ZFAND2A: variants seen among roughly 807,000 people sequenced by gnomAD.
ZFAND2A encodes zinc finger AN1-type containing 2A.
ZFAND2A carries 20 observed loss-of-function variants against 11.6 expected under a neutral mutation model. That is an observed-to-expected ratio of 1.72 (90% confidence interval 1.21 to 2.50). The LOEUF (loss-of-function observed/expected upper bound fraction) is 2.50, where lower values mean the gene tolerates loss of function less well. ZFAND2A is among the 30% of genes most tolerant of loss of function. The pLI, the probability that ZFAND2A is intolerant of heterozygous loss-of-function variation, is 0.00. For synonymous variants in ZFAND2A, 93 were observed against 60.6 expected (o/e 1.54, Z -2.48); for missense variants, 234 against 182.9 (o/e 1.28, Z -1.61).
downstream of ZFAND2A, chr7:1,152,101 C>T (rs979037380): frequency 1.9e-6 from 2 of 1,080,442 alleles, no homozygotes; most frequent in East Asian, 5.9e-5. Context: ...ACTTGGGGTC[C>T]CAGTCCTGTG....
chr7:1,157,508 T>C (rs1319526085), intron 3 of ZFAND2A, 148 bp downstream of exon 3: 4 of 734,024 alleles, frequency 5.4e-6, no homozygotes, highest in Non-Finnish European at 8.9e-6. Flanking sequence ...AGCAGGCACC[T>C]GAAACGAGGC....
chr7:1,150,009 C>T (rs550837602), downstream of ZFAND2A, among the ~76,000 whole-genome samples: 16 of 152,104 alleles, frequency 1.1e-4, no homozygotes, highest in East Asian at 1.9e-4. Flanking sequence ...TGCACCACCA[C>T]GCCCGGCTAA....
chr7:1,150,333 A>AT (rs952860878), downstream of ZFAND2A, among the ~76,000 whole-genome samples: 6 of 151,680 alleles, frequency 4.0e-5, no homozygotes, highest in African/African-American at 1.2e-4. Flanking sequence ...GAAAAAAAAA[A>AT]GGCAGTGGCT....
intron 3 of ZFAND2A, among the ~76,000 whole-genome samples, chr7:1,156,107 T>C (rs1793520882): frequency 6.7e-6 from 1 of 149,746 alleles, no homozygotes; most frequent in Non-Finnish European, 1.5e-5. Context: ...TCCAAAGGGG[T>C]GGACCGCCCA....
At chr7:1,157,379 G>A (rs1423575565) in intron 3 of ZFAND2A, 4 of 266,706 alleles carry the variant, frequency 1.5e-5, no homozygotes, top group African/African-American at 4.5e-5. Flanking sequence ...AAGTAAGCTT[G>A]GAACATAAGG....
chr7:1,150,902 T>TTTTTTTTTTTTTTTTTTTTC (rs1457637386), downstream of ZFAND2A, among the ~76,000 whole-genome samples: 1 of 142,070 alleles, frequency 7.0e-6, no homozygotes, highest in Non-Finnish European at 1.5e-5. Context: ...TTTTTTTTTT[T>TTTTTTTTTTTTTTTTTTTTC]TTTGAGATTC....
At chr7:1,150,999 T>C (rs1190691173), downstream of ZFAND2A, among the ~76,000 whole-genome samples, 2 of 151,520 alleles carry the variant, frequency 1.3e-5, no homozygotes, top group South Asian at 2.1e-4. Flanking sequence ...GTGATTCTCC[T>C]GCCTCAGCCT....
chr7:1,150,518 C>G (rs1490337030), downstream of ZFAND2A, among the ~76,000 whole-genome samples: 1 of 152,198 alleles, frequency 6.6e-6, no homozygotes, highest in Non-Finnish European at 1.5e-5. Flanking sequence ...CAGTATAAAT[C>G]TAACACCAGT....
downstream of ZFAND2A, chr7:1,152,077 G>C (rs987448811): frequency 1.3e-6 from 1 of 773,154 alleles, no homozygotes; most frequent in East Asian, 3.1e-5. Context: ...GTGCTGGAGC[G>C]AGCTGCTTCT....
intron 1 of ZFAND2A, 48 bp downstream of exon 1, chr7:1,159,916 C>T (rs1466238341): frequency 5.8e-6 from 1 of 171,094 alleles, no homozygotes. Context: ...GACCTCAAGG[C>T]AGGCCCGACC....
rs191307641 is a variant in ZFAND2A, at chr7:1,158,843, G to A, written c.-45-586C>T. Among the ~76,000 whole-genome samples, 7 of 152,210 alleles carry A rather than the reference G, an allele frequency of 4.6e-5. No homozygotes were observed. The East Asian group carries it at 9.7e-4, about 21-fold the overall frequency. ...ACCGCACTCGAGAGAGAATCAAGGGGCTCACGAGGTCCCCTCCATGATCTA... is the reference window on the plus strand; with the variant it reads ...ACCGCACTCGAGAGAGAATCAAGGGACTCACGAGGTCCCCTCCATGATCTA... On this transcript the variant is annotated intron_variant, in intron 1 of 4. Coordinates refer to ENST00000316495, the MANE Select transcript of ZFAND2A (RefSeq NM_182491.4).
intron 4 of ZFAND2A, among the ~76,000 whole-genome samples, chr7:1,154,203 T>G (rs1396693900): frequency 1.4e-5 from 2 of 140,298 alleles, no homozygotes; most frequent in African/African-American, 5.3e-5. Flanking sequence ...TTTTTTTTTT[T>G]GGTGCCAGGA....
intron 2 of ZFAND2A, 30 bp downstream of exon 2, chr7:1,158,128 T>C: frequency 6.2e-7 from 1 of 1,607,182 alleles, no homozygotes; most frequent in Non-Finnish European, 8.5e-7. Context: ...CAAAATACCA[T>C]TTTCTATTAA....
rs761154889 is a variant in ZFAND2A, at chr7:1,153,157, T to C, written c.350A>G (p.Gln117Arg). Residue 117 changes from glutamine (Q) to arginine (R), a missense_variant, in exon 5 of 5, where the codon CAA becomes CGA. Coordinates refer to ENST00000316495, the MANE Select transcript of ZFAND2A (RefSeq NM_182491.4). ...CTGGATACAGAAGTTGCCGTGACAT[T>C]GGGCACATACCATCTGCAGCATCTC... ...KKEMLQMVCA[Q>R]CHGNFCIQHR... 1 of 1,614,214 alleles carries C rather than the reference T, an allele frequency of 6.2e-7. No individual in the cohort carries two copies. Among genetic ancestry groups the C allele is most frequent in the South Asian group, 1.1e-5 (1 of 91,086 alleles).
At chr7:1,153,819 G>A (rs940112629) in intron 4 of ZFAND2A, among the ~76,000 whole-genome samples, 2 of 152,188 alleles carry the variant, frequency 1.3e-5, no homozygotes, top group South Asian at 2.1e-4. Flanking sequence ...GTGGCGTGGT[G>A]CCTGTAATCC....
At chr7:1,151,762 TA>T (rs530920394), downstream of ZFAND2A, among the ~76,000 whole-genome samples, 94 of 87,058 alleles carry the variant, frequency 1.1e-3, 2 homozygotes, top group African/African-American at 1.8e-3. Context: ...TCATCCCTTT[TA>T]AAAAAAAAAA....
Position 1,155,500 on chromosome 7 carries a change from GA to G in ZFAND2A, c.234del (p.His79ThrfsTer?), listed in dbSNP as rs1562345783. ...TGAGAGTCACAGTCTCTGTCAATGTGATCACCAACCACCACGTCTGGTATCT... is the reference window on the plus strand; with the variant it reads ...TGAGAGTCACAGTCTCTGTCAATGTGTCACCAACCACCACGTCTGGTATCT... ...KGQIPDVVVG[D>X]HIDRDCDSHP... is the part of the protein sequence containing the mutation. On this transcript the variant is annotated frameshift_variant, in exon 4 of 5. Coordinates refer to ENST00000316495, the MANE Select transcript of ZFAND2A (RefSeq NM_182491.4). LOFTEE classifies it low-confidence loss of function (END_TRUNC). The G allele has an allele frequency of 2.5e-6, 4 of 1,613,848 alleles. No individual in the cohort carries two copies. Among genetic ancestry groups the G allele is most frequent in the Non-Finnish European group, 3.4e-6 (4 of 1,179,878 alleles).
intron 3 of ZFAND2A, chr7:1,156,945 C>T (rs1307179714): frequency 1.3e-5 from 2 of 152,272 alleles, no homozygotes; most frequent in African/African-American, 2.4e-5. Flanking sequence ...ACCGTGATGG[C>T]CTAAAAATGG....
At chr7:1,151,761 T>TAAAAAAAAAAAAAAAAAA (rs76095900), downstream of ZFAND2A, among the ~76,000 whole-genome samples, 3 of 22,776 alleles carry the variant, frequency 1.3e-4, no homozygotes, top group African/African-American at 6.0e-4. Flanking sequence ...TTCATCCCTT[T>TAAAAAAAAAAAAAAAAAA]TAAAAAAAAA....
Sources: allele counts gnomAD v4.1 joint callset (sites outside exome capture counted in the v4.1 genomes callset), GRCh38; gene constraint gnomAD v4.1.1; transcripts MANE v1.5; gene names NCBI Gene and HGNC (gene_info 2026-07-23, HGNC 2026-07-21).